The following GAREM1 variants were observed in gnomAD, a reference collection of about 807,000 sequenced individuals.
GAREM1 encodes GRB2-associated and regulator of MAPK protein 1.
Under a neutral mutation model 71.3 loss-of-function variants are expected in GAREM1, and 26 were observed. That is an observed-to-expected ratio of 0.36 (90% CI 0.27 to 0.51). GAREM1 has a LOEUF of 0.51. Ranked by LOEUF, GAREM1 falls within the 20% of genes least tolerant of loss-of-function variation. The probability of loss-of-function intolerance (pLI) is 0.95; values close to 1 mark genes in which losing one functional copy is unlikely to be tolerated. For missense variants in GAREM1, 1,026 were observed against 1,103.1 expected, an observed-to-expected ratio of 0.93 and a Z score of 0.99; for synonymous variants, 440 against 433.2, an observed-to-expected ratio of 1.02 and a Z score of -0.20.
chr18:32,332,806 T>C (rs2047550632), intron 2 of GAREM1, among the ~76,000 whole-genome samples: 2 of 152,172 alleles, frequency 1.3e-5, no homozygotes, highest in South Asian at 4.1e-4. Context: ...CTGTTGTTTC[T>C]AAGCTCTTAA....
rs545138529 is a variant in GAREM1, at chr18:32,277,310, T to C, written c.1567-6927A>G. ...GAAAAAATGTGCCTGGGTACGTATA[T>C]GCATGCATGTAAGCTGGAGGTCAAC... On this transcript the variant is annotated intron_variant, in intron 4 of 5. Coordinates refer to ENST00000269209, the MANE Select transcript of GAREM1 (RefSeq NM_001242409.2). Among the ~76,000 whole-genome samples the C allele has an allele frequency of 4.6e-5, 7 of 152,290 alleles. No individual in the cohort carries two copies. The East Asian group carries it at 1.4e-3, about 29-fold the overall frequency.
At chr18:32,333,761 G>A (rs1451591118) in intron 2 of GAREM1, among the ~76,000 whole-genome samples, 2 of 152,126 alleles carry the variant, frequency 1.3e-5, no homozygotes, top group African/African-American at 2.4e-5. Flanking sequence ...TGACAATGAC[G>A]CTCAACCTGA....
At chr18:32,392,759 T>C in intron 2 of GAREM1, 136 bp downstream of exon 2, 1 of 883,656 alleles carries the variant, frequency 1.1e-6, no homozygotes, top group South Asian at 2.2e-5. Flanking sequence ...CTTTCACTGA[T>C]CAATAACCAC....
At chr18:32,364,181 C>CCCACCA (rs2047906549) in intron 2 of GAREM1, among the ~76,000 whole-genome samples, 1 of 149,770 alleles carries the variant, frequency 6.7e-6, no homozygotes. Context: ...ATTACAGGAA[C>CCCACCA]CCACCACCAC....
intron 2 of GAREM1, among the ~76,000 whole-genome samples, chr18:32,337,604 T>C (rs2047610000): frequency 1.3e-5 from 2 of 152,178 alleles, no homozygotes; most frequent in South Asian, 2.1e-4. Context: ...CTAAATGATC[T>C]TAGGCAGAAT....
chr18:32,373,515 A>G, intron 2 of GAREM1, among the ~76,000 whole-genome samples: 1 of 152,190 alleles, frequency 6.6e-6, no homozygotes. Flanking sequence ...CTTCCTTCAC[A>G]TTTTCCTAAG....
At chr18:32,289,160 C>A (rs1442822398) in intron 3 of GAREM1, among the ~76,000 whole-genome samples, 1 of 152,118 alleles carries the variant, frequency 6.6e-6, no homozygotes. Flanking sequence ...CTCACTGCAG[C>A]CTTGACCTCC....
At chr18:32,316,268 A>G (rs981413650) in intron 2 of GAREM1, among the ~76,000 whole-genome samples, 1 of 152,236 alleles carries the variant, frequency 6.6e-6, no homozygotes, top group African/African-American at 2.4e-5. Flanking sequence ...TATCAGATTA[A>G]TAGATTCCTT....
intron 3 of GAREM1, among the ~76,000 whole-genome samples, chr18:32,302,266 T>C (rs1382034419): frequency 1.3e-5 from 2 of 152,206 alleles, no homozygotes; most frequent in African/African-American, 2.4e-5. Flanking sequence ...TCAGTTTTCA[T>C]ATTTGCTAAA....
In GAREM1 at chr18:32,337,262, T is replaced by C. The variant is rs76854920; in HGVS notation, c.263-26939A>G. On this transcript the variant is annotated intron_variant, in intron 2 of 5. Transcript: ENST00000269209. ...GCCAGAATTGGGACTAACAGAGCCA[T>C]ATGCAATTTTCTTGTGAAAGACCAA... is the stretch of plus-strand genomic sequence containing the variant. Among the ~76,000 whole-genome samples, 96 of 152,334 alleles carry C rather than the reference T, an allele frequency of 6.3e-4. No homozygotes were observed. In the East Asian group the frequency reaches 0.012, roughly 19 times the overall value.
intron 1 of GAREM1, among the ~76,000 whole-genome samples, chr18:32,443,263 CAT>C (rs973131613): frequency 2.0e-5 from 3 of 152,090 alleles, no homozygotes; most frequent in Non-Finnish European, 4.4e-5. Context: ...AAATCAAAAA[CAT>C]ATGCAACAGA....
chr18:32,330,347 G>T (rs1198822058), intron 2 of GAREM1, among the ~76,000 whole-genome samples: 1 of 152,134 alleles, frequency 6.6e-6, no homozygotes, highest in Non-Finnish European at 1.5e-5. Context: ...CGACACTGGG[G>T]ACTACTAGTT....
At chr18:32,364,870 G>GCACAGA (rs1233179279) in intron 2 of GAREM1, among the ~76,000 whole-genome samples, 3 of 144,932 alleles carry the variant, frequency 2.1e-5, no homozygotes, top group Non-Finnish European at 3.0e-5. Context: ...ACATATAAGA[G>GCACAGA]CACAGACACA....
intron 1 of GAREM1, among the ~76,000 whole-genome samples, chr18:32,457,224 A>AAT (rs1555648700): frequency 2.8e-5 from 3 of 107,362 alleles, no homozygotes; most frequent in African/African-American, 1.1e-4. Flanking sequence ...AGAGAGAGAG[A>AAT]GAGTGTGTGT....
At chr18:32,374,171 T>C (rs1466172579) in intron 2 of GAREM1, among the ~76,000 whole-genome samples, 1 of 152,176 alleles carries the variant, frequency 6.6e-6, no homozygotes, top group Non-Finnish European at 1.5e-5. Context: ...AACATTCAAG[T>C]AGATATTAGA....
intron 2 of GAREM1, among the ~76,000 whole-genome samples, chr18:32,342,343 C>G (rs2047655417): frequency 6.6e-6 from 1 of 152,190 alleles, no homozygotes; most frequent in African/African-American, 2.4e-5. Flanking sequence ...AGGCTAGTCT[C>G]ATCCTCCACG....
Position 32,470,153 on chromosome 18 carries a change from C to A in GAREM1, c.121+155G>T, listed in dbSNP as rs1397118597. 3.3e-6 allele frequency: 3 copies of A among 903,682 alleles called. No homozygotes were observed. The allele number at this position is 903,682 out of a possible 1,614,324, so 56.0% of individuals were successfully genotyped here. ...TGCTGCTGGGGGGAGTTGAGAGCAA[C>A]GCGCCAGGGCTGCGGCAGCCGCTCG... On this transcript the variant is annotated intron_variant, in intron 1 of 5. Coordinates refer to ENST00000269209, the MANE Select transcript of GAREM1 (RefSeq NM_001242409.2). This position sits in a 1 kb window ranked among gnomAD's most constrained non-coding sequence, Gnocchi z 4.4.
chr18:32,357,107 A>G (rs772465339), intron 2 of GAREM1, among the ~76,000 whole-genome samples: 17 of 152,034 alleles, frequency 1.1e-4, no homozygotes, highest in Non-Finnish European at 2.2e-4. Flanking sequence ...TATCCTTCAC[A>G]CACTCCGTTC....
chr18:32,319,052 C>T (rs1231118620), intron 2 of GAREM1, among the ~76,000 whole-genome samples: 1 of 152,148 alleles, frequency 6.6e-6, no homozygotes, highest in African/African-American at 2.4e-5. Flanking sequence ...AGCATCATAC[C>T]ACACATGGCA....
Sources: gnomAD v4.1 joint callset for allele counts (sites outside exome capture counted in the v4.1 genomes callset) on GRCh38, gnomAD v4.1.1 for gene constraint, Gnocchi (gnomAD v3.1) non-coding constraint, MANE v1.5 for transcripts, NCBI Gene and HGNC (gene_info 2026-07-23, HGNC 2026-07-21) for gene names.